MAP3K20: variants seen among roughly 807,000 people sequenced by gnomAD.
MAP3K20 encodes the protein HCCS-4.
MAP3K20 carries 40 observed loss-of-function variants against 85.7 expected under a neutral mutation model. That is an observed-to-expected ratio of 0.47 (90% CI 0.36 to 0.61). The LOEUF is 0.61. Among genes scored for constraint, MAP3K20 ranks in the 20% least tolerant of loss-of-function variants. The pLI is 0.00. For missense variants in MAP3K20, 817 were observed against 961.7 expected, an observed-to-expected ratio of 0.85 and a Z score of 1.99; for synonymous variants, 325 against 327.7, an observed-to-expected ratio of 0.99 and a Z score of 0.09.
At chr2:173,142,766 A>G (rs1310822915) in intron 2 of MAP3K20, among the ~76,000 whole-genome samples, 1 of 152,208 alleles carries the variant, frequency 6.6e-6, no homozygotes, top group Non-Finnish European at 1.5e-5. Flanking sequence ...AATTTTTAAA[A>G]ACCAAGATAG....
chr2:173,230,079 G>A (rs1009476906), intron 12 of MAP3K20, among the ~76,000 whole-genome samples: 4 of 152,084 alleles, frequency 2.6e-5, no homozygotes, highest in African/African-American at 9.7e-5. Context: ...TGACGTGCCC[G>A]CCTCAGCCTC....
At chr2:173,244,115 T>C (rs1445263659) in intron 16 of MAP3K20, among the ~76,000 whole-genome samples, 2 of 152,132 alleles carry the variant, frequency 1.3e-5, no homozygotes, top group African/African-American at 4.8e-5. Flanking sequence ...ATTGTGTCAC[T>C]AGCTGGAGAC....
At chr2:173,235,120 C>T (rs760785138) in intron 14 of MAP3K20, among the ~76,000 whole-genome samples, 2 of 152,060 alleles carry the variant, frequency 1.3e-5, no homozygotes, top group Admixed American at 6.5e-5. Context: ...CCAAGACAGT[C>T]GTAGGTAAAG....
intron 8 of MAP3K20, among the ~76,000 whole-genome samples, chr2:173,201,073 A>G (rs1162064860): frequency 6.6e-6 from 1 of 152,250 alleles, no homozygotes; most frequent in Non-Finnish European, 1.5e-5. Flanking sequence ...TACCCAGACA[A>G]TAGACCTTAT....
chr2:173,117,957 GA>G (rs1167225179), intron 2 of MAP3K20, among the ~76,000 whole-genome samples: 3 of 152,156 alleles, frequency 2.0e-5, no homozygotes, highest in African/African-American at 7.2e-5. Context: ...ATGGCAAAAG[GA>G]AAGATGTGAG....
At chr2:173,175,355 ATATT>A (rs1053935259) in intron 3 of MAP3K20, among the ~76,000 whole-genome samples, 4 of 152,172 alleles carry the variant, frequency 2.6e-5, no homozygotes, top group Non-Finnish European at 5.9e-5. Context: ...AAGTGTAAAC[ATATT>A]TATCTTAAGA....
chr2:173,177,543 G>C (rs935067986), intron 3 of MAP3K20, among the ~76,000 whole-genome samples: 2 of 146,658 alleles, frequency 1.4e-5, no homozygotes, highest in African/African-American at 5.0e-5. Flanking sequence ...CACCTCCCAG[G>C]TTCAAGCGAT....
chr2:173,094,099 C>A (rs1389743848), intron 2 of MAP3K20, among the ~76,000 whole-genome samples: 1 of 151,962 alleles, frequency 6.6e-6, no homozygotes, highest in Non-Finnish European at 1.5e-5. Context: ...TGTAACTAAC[C>A]TGCACAATGT....
At chr2:173,229,391 G>A (rs1383933528) in intron 11 of MAP3K20, among the ~76,000 whole-genome samples, 1 of 152,198 alleles carries the variant, frequency 6.6e-6, no homozygotes, top group Non-Finnish European at 1.5e-5. Flanking sequence ...CTGAGAAAAT[G>A]TCAGAAATTG....
intron 7 of MAP3K20, among the ~76,000 whole-genome samples, chr2:173,193,808 G>C (rs1574095312): frequency 2.0e-5 from 3 of 152,258 alleles, no homozygotes; most frequent in African/African-American, 7.2e-5. Flanking sequence ...TCTCTTTGTG[G>C]ATTAGCTTTT....
chr2:173,210,854 C>T (rs1031456947), intron 10 of MAP3K20: 3 of 152,128 alleles, frequency 2.0e-5, no homozygotes, highest in Non-Finnish European at 4.4e-5. Flanking sequence ...TTACTAGATA[C>T]TTCTTTGGGC....
intron 7 of MAP3K20, 63 bp from the exon 8 acceptor site, chr2:173,197,963 C>T: frequency 4.8e-6 from 7 of 1,449,824 alleles, no homozygotes; most frequent in Non-Finnish European, 6.7e-6. Flanking sequence ...GATAAGGTCT[C>T]AGTAATATGT....
intron 8 of MAP3K20, among the ~76,000 whole-genome samples, chr2:173,202,914 C>T (rs1236401708): frequency 6.6e-6 from 1 of 152,106 alleles, no homozygotes. Context: ...TAAAACTGTT[C>T]AAAAGAATAC....
intron 2 of MAP3K20, among the ~76,000 whole-genome samples, chr2:173,132,751 G>C (rs1057416835): frequency 1.3e-5 from 2 of 152,176 alleles, no homozygotes; most frequent in African/African-American, 4.8e-5. Flanking sequence ...TGTACCACTT[G>C]TTAGCTTTGT....
intron 2 of MAP3K20, among the ~76,000 whole-genome samples, chr2:173,134,428 A>ATAT (rs56330241): frequency 3.2e-4 from 1 of 3,156 alleles, no homozygotes; most frequent in Admixed American, 6.0e-3. Flanking sequence ...ATATATATAT[A>ATAT]TTTTTTTTTT....
intron 2 of MAP3K20, among the ~76,000 whole-genome samples, chr2:173,127,705 A>C (rs1688481806): frequency 6.6e-6 from 1 of 151,328 alleles, no homozygotes; most frequent in African/African-American, 2.4e-5. Flanking sequence ...TTGGTTGGGA[A>C]TACATCAGTA....
chr2:173,096,125 A>G (rs1687452021), intron 2 of MAP3K20, among the ~76,000 whole-genome samples: 1 of 152,184 alleles, frequency 6.6e-6, no homozygotes, highest in African/African-American at 2.4e-5. Context: ...AATAAGTTGC[A>G]GGCATCAGTG....
chr2:173,090,926 T>A, intron 1 of MAP3K20, 72 bp from the exon 2 acceptor site: 1 of 1,470,994 alleles, frequency 6.8e-7, no homozygotes, highest in Non-Finnish European at 9.0e-7. Flanking sequence ...TGATATATTA[T>A]CTAAAGTAGG....
chr2:173,085,023 T>C (rs1411659215), intron 1 of MAP3K20, among the ~76,000 whole-genome samples: 1 of 152,228 alleles, frequency 6.6e-6, no homozygotes, highest in Non-Finnish European at 1.5e-5. Context: ...TCAAATACTA[T>C]GCAAACTTGA....
Sources: gnomAD v4.1 joint callset for allele counts (sites outside exome capture counted in the v4.1 genomes callset) on GRCh38, gnomAD v4.1.1 for gene constraint, MANE v1.5 for transcripts, NCBI Gene and HGNC (gene_info 2026-07-23, HGNC 2026-07-21) for gene names.